The following TENM2 variants were observed in gnomAD, a reference collection of about 807,000 sequenced individuals.
The protein encoded by TENM2 is teneurin-2.
Under a neutral mutation model 245.2 loss-of-function variants are expected in TENM2, and 52 were observed. The ratio of observed to expected loss-of-function variants is 0.21; its 90% CI spans 0.17 to 0.27. The LOEUF is 0.27. TENM2 is among the 10% of genes least tolerant of loss of function. The pLI is 1.00. For synonymous variants in TENM2, 1,363 were observed against 1,438.9 expected (o/e 0.95, Z 1.19); for missense variants, 3,046 against 3,666.8 (o/e 0.83, Z 4.37).
At chr5:167,628,613 T>C (rs1203090969) in intron 2 of TENM2, among the ~76,000 whole-genome samples, 1 of 152,154 alleles carries the variant, frequency 6.6e-6, no homozygotes, top group African/African-American at 2.4e-5. Flanking sequence ...GTAGTGGAAA[T>C]CAGGATGACA....
rs72829380 is a variant in TENM2, at chr5:167,478,990, A to G, written c.502+103517A>G. Among the ~76,000 whole-genome samples the G allele has an allele frequency of 5.0e-3, 760 of 151,368 alleles. 35 individuals carry two copies. In the South Asian group the frequency reaches 0.1, roughly 20 times the overall value. On this transcript the variant is annotated intron_variant, in intron 2 of 28. Transcript: ENST00000518659. ...GATTGCATATGACTACTTTATATATATGTGTGTGTGTGTGTATACAGGTAC... is the reference window on the plus strand; with the variant it reads ...GATTGCATATGACTACTTTATATATGTGTGTGTGTGTGTGTATACAGGTAC...
the TENM2 span, among the ~76,000 whole-genome samples, chr5:167,053,426 A>G: frequency 6.6e-6 from 1 of 152,078 alleles, no homozygotes; most frequent in Admixed American, 6.6e-5. Context: ...TCACTGTTGG[A>G]GCAGATGTTT....
chr5:167,273,748 C>T, the TENM2 span, among the ~76,000 whole-genome samples: 4 of 152,056 alleles, frequency 2.6e-5, no homozygotes, highest in South Asian at 2.1e-4. Context: ...AAAGAAGCCT[C>T]GCTATACAAT....
At chr5:167,701,571 G>T (rs984515867) in intron 2 of TENM2, among the ~76,000 whole-genome samples, 2 of 152,130 alleles carry the variant, frequency 1.3e-5, no homozygotes, top group Admixed American at 1.3e-4. Flanking sequence ...AACTGCATGT[G>T]ATAATTTGGG....
At chr5:167,275,683 T>C in the TENM2 span, among the ~76,000 whole-genome samples, 2 of 152,100 alleles carry the variant, frequency 1.3e-5, no homozygotes, top group African/African-American at 2.4e-5. Context: ...TGAAATGCAA[T>C]TGATTTTTAC....
chr5:167,546,855 A>G (rs1029102908), intron 2 of TENM2, among the ~76,000 whole-genome samples: 5 of 152,102 alleles, frequency 3.3e-5, no homozygotes, highest in African/African-American at 7.2e-5. Flanking sequence ...CTCTTAGGCC[A>G]TATTTCTGTC....
intron 2 of TENM2, among the ~76,000 whole-genome samples, chr5:167,820,195 G>T (rs572418030): frequency 3.9e-5 from 6 of 152,130 alleles, no homozygotes; most frequent in Admixed American, 2.6e-4. Context: ...GTTGGGACAC[G>T]CCTCAAAGTG....
chr5:167,462,484 C>G (rs1451061094), intron 2 of TENM2, among the ~76,000 whole-genome samples: 1 of 152,100 alleles, frequency 6.6e-6, no homozygotes, highest in East Asian at 1.9e-4. Flanking sequence ...AATCAGGTCA[C>G]ACGGACATAC....
chr5:167,608,099 A>T (rs1194833546), intron 2 of TENM2, among the ~76,000 whole-genome samples: 3 of 152,116 alleles, frequency 2.0e-5, no homozygotes, highest in Non-Finnish European at 4.4e-5. Context: ...ATGCTATAAA[A>T]CTAAAAGTCA....
chr5:167,854,267 C>G (rs1275926774), intron 2 of TENM2, among the ~76,000 whole-genome samples: 1 of 152,114 alleles, frequency 6.6e-6, no homozygotes, highest in Non-Finnish European at 1.5e-5. Context: ...AAAATCAGGT[C>G]AAGCTAAAGG....
chr5:167,580,750 G>A (rs1775032352), intron 2 of TENM2, among the ~76,000 whole-genome samples: 1 of 152,224 alleles, frequency 6.6e-6, no homozygotes, highest in Non-Finnish European at 1.5e-5. Context: ...AGCACTTCGG[G>A]AGGCCGAGGT....
At chr5:167,942,079 G>A (rs757823780) in intron 3 of TENM2, among the ~76,000 whole-genome samples, 3 of 152,020 alleles carry the variant, frequency 2.0e-5, no homozygotes, top group South Asian at 2.1e-4. Flanking sequence ...GTGGTGACAC[G>A]TGCCTGTAAT....
intron 1 of TENM2, among the ~76,000 whole-genome samples, chr5:167,356,773 G>A (rs1047314419): frequency 6.6e-6 from 1 of 152,190 alleles, no homozygotes; most frequent in African/African-American, 2.4e-5. Context: ...ATTTTATGGA[G>A]GAAGCATGGC....
At chr5:168,114,141 CCTA>C (rs1451974432) in intron 9 of TENM2, among the ~76,000 whole-genome samples, 1 of 152,190 alleles carries the variant, frequency 6.6e-6, no homozygotes, top group Admixed American at 6.5e-5. Flanking sequence ...TCTTAATTTG[CCTA>C]CCAAGTGTCA....
At chr5:167,481,320 T>C (rs1363439993) in intron 2 of TENM2, among the ~76,000 whole-genome samples, 2 of 152,242 alleles carry the variant, frequency 1.3e-5, no homozygotes, top group Admixed American at 6.5e-5. Context: ...ACCTCTTTTT[T>C]AGAATCCTTT....
intron 2 of TENM2, among the ~76,000 whole-genome samples, chr5:167,609,499 A>C (rs1193526519): frequency 2.8e-5 from 4 of 143,342 alleles, no homozygotes; most frequent in Admixed American, 7.1e-5. Context: ...AAAAAAAAAA[A>C]AAAAAAAAAA....
At chr5:167,640,860 C>T (rs144526605) in intron 2 of TENM2, among the ~76,000 whole-genome samples, 13 of 47,404 alleles carry the variant, frequency 2.7e-4, no homozygotes, top group Admixed American at 9.9e-4. Context: ...TATATATATC[C>T]ATATATATAT....
chr5:167,605,960 C>T (rs1296690515), intron 2 of TENM2, among the ~76,000 whole-genome samples: 2 of 152,166 alleles, frequency 1.3e-5, no homozygotes, highest in African/African-American at 2.4e-5. Context: ...CCTTAGGGGG[C>T]TTCTCATGCA....
At chr5:167,938,721 G>A (rs1778929248) in intron 3 of TENM2, 2 of 152,186 alleles carry the variant, frequency 1.3e-5, no homozygotes, top group South Asian at 4.1e-4. Flanking sequence ...AAGGCAGTCA[G>A]ATCACGAGGT....
Sources: allele counts gnomAD v4.1 joint callset (sites outside exome capture counted in the v4.1 genomes callset), GRCh38; gene constraint gnomAD v4.1.1; transcripts MANE v1.5; gene names NCBI Gene and HGNC (gene_info 2026-07-23, HGNC 2026-07-21).